MACROD2: variants seen among roughly 807,000 people sequenced by gnomAD.
MACROD2 encodes the protein mono-ADP ribosylhydrolase 2, also known as ADP-ribose glycohydrolase MACROD2.
In MACROD2, 36 loss-of-function variants were observed where a neutral mutation model predicts 70.4. The ratio of observed to expected loss-of-function variants is 0.51; its 90% CI spans 0.39 to 0.68. The LOEUF (loss-of-function observed/expected upper bound fraction) is 0.68. Among genes scored for constraint, MACROD2 ranks in the 30% least tolerant of loss-of-function variants. The pLI is 0.00. For synonymous variants in MACROD2, 172 were observed against 178.8 expected (o/e 0.96, Z 0.30); for missense variants, 496 against 538.4 (o/e 0.92, Z 0.78).
chr20:15,402,962 G>GT (rs1240688982), intron 6 of MACROD2, among the ~76,000 whole-genome samples: 1 of 151,304 alleles, frequency 6.6e-6, no homozygotes, highest in African/African-American at 2.4e-5. Flanking sequence ...GTTTTGTTTT[G>GT]TTTTTTGTTT....
At chr20:14,786,007 A>G (rs1204635013) in intron 5 of MACROD2, among the ~76,000 whole-genome samples, 1 of 152,130 alleles carries the variant, frequency 6.6e-6, no homozygotes, top group Admixed American at 6.5e-5. Context: ...TATTTTGATG[A>G]AAATGCATAT....
intron 6 of MACROD2, among the ~76,000 whole-genome samples, chr20:15,366,655 A>G (rs560188029): frequency 7.1e-4 from 108 of 151,496 alleles, no homozygotes; most frequent in African/African-American, 2.2e-3. Flanking sequence ...GTCTCAATCA[A>G]TCCTCCTGCC....
At chr20:14,659,928 C>A (rs573175836) in intron 4 of MACROD2, among the ~76,000 whole-genome samples, 1 of 151,892 alleles carries the variant, frequency 6.6e-6, no homozygotes, top group Admixed American at 6.5e-5. Flanking sequence ...CCTAAAAAAC[C>A]TTTCAAATAT....
chr20:15,653,855 C>A (rs1301540556), intron 8 of MACROD2, among the ~76,000 whole-genome samples: 2 of 152,122 alleles, frequency 1.3e-5, no homozygotes, highest in Non-Finnish European at 2.9e-5. Flanking sequence ...CCTCAGCATT[C>A]TTTTGCTATC....
At position 14,187,727 on chromosome 20, in the gene MACROD2, A is replaced by G. The variant is rs866058243; in HGVS notation, c.271+101999A>G. On this transcript the variant is annotated intron_variant, in intron 3 of 17. Transcript: ENST00000684519. ...GATCAAGTTAACTTTGTAAGGACCAATTAGTCTTAGCCAAAGTAGTATCTC... is the reference window on the plus strand; with the variant it reads ...GATCAAGTTAACTTTGTAAGGACCAGTTAGTCTTAGCCAAAGTAGTATCTC... Among the ~76,000 whole-genome samples, 6 of 152,330 alleles carry G rather than the reference A, an allele frequency of 3.9e-5. No individual in the cohort carries two copies. The South Asian group carries it at 8.3e-4, about 21-fold the overall frequency.
At chr20:14,278,960 G>A (rs2082282068) in intron 3 of MACROD2, among the ~76,000 whole-genome samples, 1 of 152,156 alleles carries the variant, frequency 6.6e-6, no homozygotes, top group African/African-American at 2.4e-5. Context: ...ATAATACAGA[G>A]TTTTTGTCAT....
intron 5 of MACROD2, among the ~76,000 whole-genome samples, chr20:14,730,225 A>G (rs1445438857): frequency 1.3e-5 from 2 of 152,182 alleles, no homozygotes; most frequent in Non-Finnish European, 2.9e-5. Flanking sequence ...TGACAATAAA[A>G]TGGGTAAGAA....
At chr20:15,681,189 CTTGGTT>C (rs2050155221) in intron 8 of MACROD2, among the ~76,000 whole-genome samples, 2 of 152,192 alleles carry the variant, frequency 1.3e-5, no homozygotes, top group South Asian at 4.1e-4. Flanking sequence ...GTCTTGTACT[CTTGGTT>C]TAAAGTTTGA....
chr20:15,506,543 T>TA lies in MACROD2; in HGVS notation c.645+6696_645+6697insA, dbSNP rs2047428172. On this transcript the variant is annotated intron_variant, in intron 8 of 17. Coordinates refer to ENST00000684519, the MANE Select transcript of MACROD2 (RefSeq NM_001351661.2). ...CTTTGAGCATATGCAGTGTTAAAAA[T>TA]TGTTTGCCACTTTTATTTCAGCATC... Among the ~76,000 whole-genome samples, 3 of 152,290 alleles carry TA rather than the reference T, an allele frequency of 2.0e-5. No individual in the cohort carries two copies. The South Asian group carries it at 6.2e-4, about 32-fold the overall frequency.
chr20:15,462,181 G>C (rs559993150), intron 7 of MACROD2, among the ~76,000 whole-genome samples: 2 of 152,266 alleles, frequency 1.3e-5, no homozygotes, highest in East Asian at 3.9e-4. Context: ...TTTCCCCTTA[G>C]AAACCATTTA....
intron 8 of MACROD2, among the ~76,000 whole-genome samples, chr20:15,679,016 C>A (rs2050120051): frequency 1.3e-5 from 2 of 152,104 alleles, no homozygotes; most frequent in Admixed American, 1.3e-4. Flanking sequence ...GCAGGCAGAT[C>A]ACCTGAGGTC....
chr20:14,129,062 T>A (rs1115800), intron 3 of MACROD2, among the ~76,000 whole-genome samples: 79,161 of 152,096 alleles, frequency 0.52, 22,484 homozygotes, highest in Non-Finnish European at 0.62. Context: ...ACTTTTAAGT[T>A]TTATTATCTA....
chr20:14,684,999 A>T (rs1455140444), intron 5 of MACROD2, 40 bp downstream of exon 5: 1 of 1,494,650 alleles, frequency 6.7e-7, no homozygotes, highest in Admixed American at 1.7e-5. Flanking sequence ...CAGATGAGAC[A>T]TCTTAACTTG....
chr20:15,674,404 G>A (rs2050026407), intron 8 of MACROD2, among the ~76,000 whole-genome samples: 1 of 152,072 alleles, frequency 6.6e-6, no homozygotes, highest in Non-Finnish European at 1.5e-5. Flanking sequence ...AGCAGTGGGT[G>A]CGAAGGCATC....
At chr20:14,206,134 G>C (rs1470659650) in intron 3 of MACROD2, among the ~76,000 whole-genome samples, 13 of 152,202 alleles carry the variant, frequency 8.5e-5, no homozygotes, top group African/African-American at 3.1e-4. Context: ...TTGACATTCA[G>C]TGGACAGAGC....
intron 5 of MACROD2, among the ~76,000 whole-genome samples, chr20:15,029,695 C>T (rs1236878295): frequency 6.6e-6 from 1 of 152,162 alleles, no homozygotes; most frequent in Non-Finnish European, 1.5e-5. Flanking sequence ...TACAAAAACT[C>T]ATCTCCACAG....
intron 4 of MACROD2, among the ~76,000 whole-genome samples, chr20:14,552,450 A>G (rs1458262851): frequency 1.3e-5 from 2 of 151,516 alleles, no homozygotes; most frequent in Non-Finnish European, 2.9e-5. Context: ...GAAGAACAAA[A>G]AAGCCTTTTG....
chr20:15,948,426 A>C (rs1293461391), intron 12 of MACROD2, among the ~76,000 whole-genome samples: 1 of 150,084 alleles, frequency 6.7e-6, no homozygotes, highest in African/African-American at 2.4e-5. Context: ...AAAAGAAAAG[A>C]AAAGAAAATG....
At chr20:15,571,791 C>T (rs1437085093) in intron 8 of MACROD2, among the ~76,000 whole-genome samples, 2 of 152,114 alleles carry the variant, frequency 1.3e-5, no homozygotes, top group African/African-American at 4.8e-5. Flanking sequence ...GCAAGGATTA[C>T]TTGGTCAGAC....
Sources: allele counts gnomAD v4.1 joint callset (sites outside exome capture counted in the v4.1 genomes callset), GRCh38; gene constraint gnomAD v4.1.1; transcripts MANE v1.5; gene names NCBI Gene and HGNC (gene_info 2026-07-23, HGNC 2026-07-21).